The following VIT variants were observed in gnomAD, a reference collection of about 807,000 sequenced individuals.
The protein encoded by VIT is vitrin.
VIT carries 99 observed loss-of-function variants against 78.0 expected under a neutral mutation model. The ratio of observed to expected loss-of-function variants is 1.27; its 90% CI spans 1.08 to 1.50. The LOEUF (loss-of-function observed/expected upper bound fraction) is 1.50, where lower values mean the gene tolerates loss of function less well. Among genes scored for constraint, VIT ranks in the 40% most tolerant of loss-of-function variants. VIT has a pLI of 0.00. For synonymous variants in VIT, 374 were observed against 334.3 expected (o/e 1.12, Z -1.29); for missense variants, 1,126 against 875.3 (o/e 1.29, Z -3.61).
rs750181908 is a variant in VIT, at chr2:36,814,200, A to G, written c.1921A>G (p.Ile641Val). ...CCCCACAGGAGTGATCACCTATGCG[A>G]TAGGCGTTGCCTGGGCTGCCCAAGA... ...AHLKGVITYA[I>V]GVAWAAQEEL... is the part of the protein sequence containing the mutation. Residue 641 changes from isoleucine to valine, a missense_variant, in exon 16 of 16, where the codon ATA becomes GTA. Coordinates refer to ENST00000379242, the MANE Select transcript of VIT (RefSeq NM_053276.4). 13 of 1,614,112 alleles carry G rather than the reference A, an allele frequency of 8.1e-6. 1 individual carries two copies. The African/African-American group carries it at 1.7e-4, about 22-fold the overall frequency.
At chr2:36,745,492 G>T (rs1668082347) in intron 4 of VIT, among the ~76,000 whole-genome samples, 1 of 151,922 alleles carries the variant, frequency 6.6e-6, no homozygotes, top group Non-Finnish European at 1.5e-5. Flanking sequence ...CTTCTTCCAG[G>T]AGTGTTTTAC....
At chr2:36,721,178 G>C (rs72613870) in intron 2 of VIT, among the ~76,000 whole-genome samples, 11,359 of 152,226 alleles carry the variant, frequency 0.075, 532 homozygotes, top group East Asian at 0.26. Context: ...TTAAGTATGT[G>C]AGGTGATGGC....
At chr2:36,772,115 G>C (rs1364649177) in intron 7 of VIT, among the ~76,000 whole-genome samples, 5 of 152,116 alleles carry the variant, frequency 3.3e-5, no homozygotes, top group Non-Finnish European at 7.4e-5. Flanking sequence ...AGAAAATAAG[G>C]CTGCTTTGAG....
chr2:36,754,416 G>C (rs1668643431), intron 4 of VIT, among the ~76,000 whole-genome samples: 1 of 152,050 alleles, frequency 6.6e-6, no homozygotes, highest in South Asian at 2.1e-4. Flanking sequence ...CAAAATCCCA[G>C]AAATTTAAAG....
At chr2:36,740,761 A>T (rs999946280) in intron 3 of VIT, among the ~76,000 whole-genome samples, 1 of 152,248 alleles carries the variant, frequency 6.6e-6, no homozygotes, top group Non-Finnish European at 1.5e-5. Context: ...TGCCCCCTTA[A>T]AGAAAGGAGG....
intron 6 of VIT, among the ~76,000 whole-genome samples, chr2:36,766,575 G>C (rs1212591477): frequency 2.0e-5 from 3 of 152,062 alleles, no homozygotes; most frequent in Non-Finnish European, 4.4e-5. Context: ...TTGCCATCCA[G>C]GTAGTTCTAT....
chr2:36,714,968 A>G (rs1666033506), intron 1 of VIT, among the ~76,000 whole-genome samples: 1 of 152,206 alleles, frequency 6.6e-6, no homozygotes, highest in Non-Finnish European at 1.5e-5. Flanking sequence ...CAGCATTTTC[A>G]TATCTATTGC....
intron 7 of VIT, among the ~76,000 whole-genome samples, chr2:36,770,482 T>C (rs879547422): frequency 7.2e-5 from 11 of 152,124 alleles, no homozygotes; most frequent in Non-Finnish European, 1.3e-4. Context: ...CAAAGCCGCA[T>C]CATGGCCCCT....
chr2:36,794,509 G>A (rs1665730594), intron 12 of VIT, among the ~76,000 whole-genome samples: 1 of 152,110 alleles, frequency 6.6e-6, no homozygotes, highest in African/African-American at 2.4e-5. Flanking sequence ...CATATACGCT[G>A]GTCCTGAGAC....
intron 12 of VIT, among the ~76,000 whole-genome samples, chr2:36,788,639 C>T (rs1284287989): frequency 6.6e-6 from 1 of 152,122 alleles, no homozygotes; most frequent in Non-Finnish European, 1.5e-5. Context: ...AATGCCAACC[C>T]TTTTTCATTC....
At chr2:36,788,645 C>A (rs1395023328) in intron 12 of VIT, among the ~76,000 whole-genome samples, 1 of 152,126 alleles carries the variant, frequency 6.6e-6, no homozygotes, top group African/African-American at 2.4e-5. Context: ...AACCCTTTTT[C>A]ATTCCTGTGT....
chr2:36,773,689 A>C, intron 7 of VIT, 102 bp from the exon 8 acceptor site: 1 of 1,044,768 alleles, frequency 9.6e-7, no homozygotes, highest in Non-Finnish European at 1.3e-6. Flanking sequence ...GCACCACTGC[A>C]CTCCAGCTCT....
rs914167052 is a variant in VIT at position 36,718,862 on chromosome 2, A to G, written c.52+2440A>G. On this transcript the variant is annotated intron_variant, in intron 2 of 15. Coordinates refer to ENST00000379242, the MANE Select transcript of VIT (RefSeq NM_053276.4). Reference sequence around the variant, plus strand: ...ATGGGCTAGCACACTGGGGAACTACAACTTGAAAGCACAAGGTCCTTCATT... The same window carrying G: ...ATGGGCTAGCACACTGGGGAACTACGACTTGAAAGCACAAGGTCCTTCATT... Among the ~76,000 whole-genome samples the G allele has an allele frequency of 5.9e-5, 9 of 152,206 alleles. No homozygotes were observed. In the East Asian group the frequency reaches 1.3e-3, roughly 23 times the overall value.
At chr2:36,797,025 T>A (rs1665952720) in intron 12 of VIT, among the ~76,000 whole-genome samples, 1 of 152,184 alleles carries the variant, frequency 6.6e-6, no homozygotes, top group African/African-American at 2.4e-5. Context: ...GATGGACAAT[T>A]ACATATTTAT....
At chr2:36,791,964 G>A (rs950921019) in intron 12 of VIT, among the ~76,000 whole-genome samples, 1 of 151,968 alleles carries the variant, frequency 6.6e-6, no homozygotes, top group African/African-American at 2.4e-5. Flanking sequence ...GAGGGGCTGG[G>A]GCATGAAATG....
chr2:36,743,357 T>C, intron 4 of VIT, 101 bp downstream of exon 4: 1 of 1,239,080 alleles, frequency 8.1e-7, no homozygotes. Context: ...AATATACAAA[T>C]ATTTTTTAGC....
chr2:36,704,758 T>C (rs1290296350), intron 1 of VIT, among the ~76,000 whole-genome samples: 1 of 152,164 alleles, frequency 6.6e-6, no homozygotes, highest in Non-Finnish European at 1.5e-5. Flanking sequence ...GGGAGCCCCA[T>C]GTCTGCCTCT....
rs1472099317 is a variant in VIT at position 36,787,124 on chromosome 2, C to T, written c.911-5C>T. 11 of 1,613,884 alleles carry T rather than the reference C, an allele frequency of 6.8e-6. No individual in the cohort carries two copies. The highest frequency in any genetic ancestry group is 4.0e-5 in the African/African-American group (3 of 74,886). On this transcript the variant is annotated splice_region_variant and splice_polypyrimidine_tract_variant and intron_variant, in intron 11 of 15. Coordinates refer to ENST00000379242, the MANE Select transcript of VIT (RefSeq NM_053276.4). ...AGAATAATAGAGTCTTTTTCCGTTC[C>T]GCAGACTGCAAAATTGACTTGTCGT...
chr2:36,703,600 T>C (rs897793041), intron 1 of VIT, among the ~76,000 whole-genome samples: 16 of 152,214 alleles, frequency 1.1e-4, no homozygotes, highest in African/African-American at 3.9e-4. Flanking sequence ...AACGTTTGCG[T>C]GTGAGACAGA....
Sources: gnomAD v4.1 joint callset for allele counts (sites outside exome capture counted in the v4.1 genomes callset) on GRCh38, gnomAD v4.1.1 for gene constraint, MANE v1.5 for transcripts, NCBI Gene and HGNC (gene_info 2026-07-23, HGNC 2026-07-21) for gene names.